The following AGPAT3 variants were observed in gnomAD, a reference collection of about 807,000 sequenced individuals.
AGPAT3 encodes the protein 1-acylglycerol-3-phosphate O-acyltransferase 3.
AGPAT3 carries 5 observed loss-of-function variants against 47.3 expected under a neutral mutation model. That is an observed-to-expected ratio of 0.11 (90% CI 0.06 to 0.22). The LOEUF (loss-of-function observed/expected upper bound fraction) is 0.22. AGPAT3 is among the 10% of genes least tolerant of loss of function. The probability of loss-of-function intolerance (pLI) is 1.00; values close to 1 mark genes in which losing one functional copy is unlikely to be tolerated. For synonymous variants in AGPAT3, 212 were observed against 208.3 expected (o/e 1.02, Z -0.15); for missense variants, 315 against 493.0 (o/e 0.64, Z 3.42).
At chr21:43,936,448 G>A (rs2087450320) in intron 2 of AGPAT3, among the ~76,000 whole-genome samples, 1 of 152,270 alleles carries the variant, frequency 6.6e-6, no homozygotes, top group Non-Finnish European at 1.5e-5. Context: ...CACGGCCACA[G>A]TGCCTCCCTC....
intron 2 of AGPAT3, among the ~76,000 whole-genome samples, chr21:43,919,178 T>G (rs1212655035): frequency 1.3e-5 from 2 of 152,176 alleles, no homozygotes; most frequent in Admixed American, 1.3e-4. Context: ...TTTTTTAAAC[T>G]TCACTAGTGT....
chr21:43,926,540 A>C (rs770623712), intron 2 of AGPAT3, among the ~76,000 whole-genome samples: 1 of 151,592 alleles, frequency 6.6e-6, no homozygotes, highest in East Asian at 1.9e-4. Flanking sequence ...AGGAGCCCCC[A>C]GCCCCCACGG....
At chr21:43,917,179 C>G (rs1424021526) in intron 2 of AGPAT3, among the ~76,000 whole-genome samples, 1 of 151,494 alleles carries the variant, frequency 6.6e-6, no homozygotes, top group African/African-American at 2.4e-5. Flanking sequence ...CCCGCCCCCG[C>G]CCCCCACACA....
intron 2 of AGPAT3, among the ~76,000 whole-genome samples, chr21:43,959,085 T>TGTGTGGCATGTGTGTGGTTTGCG (rs2088668001): frequency 8.4e-6 from 1 of 119,192 alleles, no homozygotes; most frequent in Non-Finnish European, 1.8e-5. Context: ...TGGTTTGTGG[T>TGTGTGGCATGTGTGTGGTTTGCG]GTGTGTGTGT....
At chr21:43,928,774 G>C (rs979932266) in intron 2 of AGPAT3, among the ~76,000 whole-genome samples, 2 of 152,206 alleles carry the variant, frequency 1.3e-5, no homozygotes, top group Non-Finnish European at 2.9e-5. Context: ...ACTGAGGAGG[G>C]TGTGTTTGCG....
At chr21:43,898,803 A>G (rs1183961908) in intron 1 of AGPAT3, among the ~76,000 whole-genome samples, 1 of 152,198 alleles carries the variant, frequency 6.6e-6, no homozygotes, top group African/African-American at 2.4e-5. Flanking sequence ...CTGGTATTAC[A>G]GGCGTGAGCC....
intron 2 of AGPAT3, among the ~76,000 whole-genome samples, chr21:43,946,689 G>A (rs2087906176): frequency 6.6e-6 from 1 of 152,100 alleles, no homozygotes; most frequent in Non-Finnish European, 1.5e-5. Flanking sequence ...TAGAGTAAAA[G>A]TAGTTATTAT....
intron 7 of AGPAT3, among the ~76,000 whole-genome samples, chr21:43,973,951 AT>A (rs1316587883): frequency 8.1e-4 from 123 of 152,354 alleles, no homozygotes; most frequent in Admixed American, 8.0e-3. Context: ...CAGAAAAAAA[AT>A]AGAATTTTTA....
At chr21:43,926,765 G>C (rs2087069074) in intron 2 of AGPAT3, among the ~76,000 whole-genome samples, 2 of 149,444 alleles carry the variant, frequency 1.3e-5, no homozygotes, top group African/African-American at 4.9e-5. Context: ...TTCAAGACCA[G>C]CCTGGCCAAC....
chr21:43,929,436 G>A (rs1601333312), intron 2 of AGPAT3, among the ~76,000 whole-genome samples: 2 of 152,254 alleles, frequency 1.3e-5, no homozygotes, highest in Non-Finnish European at 2.9e-5. Context: ...ACCCCAGAGC[G>A]AGTCAAAGCC....
chr21:43,943,335 A>C (rs1001028152), intron 2 of AGPAT3, among the ~76,000 whole-genome samples: 1 of 152,016 alleles, frequency 6.6e-6, no homozygotes, highest in Non-Finnish European at 1.5e-5. Flanking sequence ...CGGCCTCCCA[A>C]AGTGCTGGGA....
chr21:43,922,996 C>T lies in AGPAT3; in HGVS notation c.-49+18977C>T, dbSNP rs75186382. ...CTGTTTCTTTCTCCCCATGCTCACA[C>T]GGGGTTTTTAGACTTTGTGAAGGGT... On this transcript the variant is annotated intron_variant, in intron 2 of 9. Coordinates refer to ENST00000291572, the MANE Select transcript of AGPAT3 (RefSeq NM_020132.5). The surrounding 1 kb of genome is among the most constrained non-coding windows in gnomAD (Gnocchi z 4.9). 7.2e-5 allele frequency among the ~76,000 whole-genome samples: 11 copies of T among 152,300 alleles called. No homozygotes were observed. The highest frequency in any genetic ancestry group is 2.2e-4 in the African/African-American group (9 of 41,562).
chr21:43,884,387 T>G (rs970484134), intron 1 of AGPAT3, among the ~76,000 whole-genome samples: 1 of 152,118 alleles, frequency 6.6e-6, no homozygotes, highest in Non-Finnish European at 1.5e-5. Flanking sequence ...CTGGGCTTTC[T>G]GTGCTGCCTC....
At chr21:43,963,656 C>T (rs760106089) in intron 3 of AGPAT3, among the ~76,000 whole-genome samples, 34 of 146,078 alleles carry the variant, frequency 2.3e-4, no homozygotes, top group Non-Finnish European at 4.5e-4. Context: ...TGCAGTGAGC[C>T]GAGACTGCAT....
Position 43,934,657 on chromosome 21 carries a change from C to T in AGPAT3, c.-48-24977C>T, listed in dbSNP as rs2087371612. Among the ~76,000 whole-genome samples, 2 of 152,126 alleles carry T rather than the reference C, an allele frequency of 1.3e-5. No individual in the cohort carries two copies. Among genetic ancestry groups the T allele is most frequent in the African/African-American group, 2.4e-5 (1 of 41,410 alleles). Reference sequence around the variant, plus strand: ...TGGAGGGGCGGGCTCAAGCCCTGGTCGTGAGCAGGATGACATTCAGATAGC... The same window carrying T: ...TGGAGGGGCGGGCTCAAGCCCTGGTTGTGAGCAGGATGACATTCAGATAGC... On this transcript the variant is annotated intron_variant, in intron 2 of 9. Transcript: ENST00000291572. The surrounding 1 kb of genome is among the most constrained non-coding windows in gnomAD (Gnocchi z 4.7).
intron 2 of AGPAT3, among the ~76,000 whole-genome samples, chr21:43,957,081 G>A (rs2088505965): frequency 6.6e-6 from 1 of 152,166 alleles, no homozygotes; most frequent in African/African-American, 2.4e-5. Flanking sequence ...TCTGGGAGAG[G>A]TGACTTTTAA....
At chr21:43,961,056 C>T (rs2088808824) in intron 3 of AGPAT3, among the ~76,000 whole-genome samples, 1 of 151,884 alleles carries the variant, frequency 6.6e-6, no homozygotes, top group African/African-American at 2.4e-5. Flanking sequence ...AGGAGAACTG[C>T]TTGAACCTGG....
At chr21:43,923,433 C>A (rs548583553) in intron 2 of AGPAT3, among the ~76,000 whole-genome samples, 1 of 152,238 alleles carries the variant, frequency 6.6e-6, no homozygotes, top group African/African-American at 2.4e-5. Flanking sequence ...CCGTGAGATG[C>A]GTGGATGTTT....
At chr21:43,960,995 C>T (rs2088805011) in intron 3 of AGPAT3, among the ~76,000 whole-genome samples, 1 of 152,072 alleles carries the variant, frequency 6.6e-6, no homozygotes, top group Non-Finnish European at 1.5e-5. Context: ...ACAAAATTAG[C>T]TGAGCATGGT....
Sources: allele counts gnomAD v4.1 joint callset (sites outside exome capture counted in the v4.1 genomes callset), GRCh38; gene constraint gnomAD v4.1.1; non-coding constraint Gnocchi (gnomAD v3.1); transcripts MANE v1.5; gene names NCBI Gene and HGNC (gene_info 2026-07-23, HGNC 2026-07-21).